The following RSU1 variants were observed in gnomAD, a reference collection of about 807,000 sequenced individuals.
The protein encoded by RSU1 is Ras suppressor protein 1, also known as rsu-1.
Under a neutral mutation model 31.1 loss-of-function variants are expected in RSU1, and 26 were observed. The observed-to-expected ratio is 0.84, with a 90% CI of 0.61 to 1.16. The LOEUF (loss-of-function observed/expected upper bound fraction) is 1.16, where lower values mean the gene tolerates loss of function less well. RSU1 is among the 50% of genes most tolerant of loss of function. RSU1 has a pLI of 0.00. For synonymous variants in RSU1, 164 were observed against 136.3 expected (o/e 1.20, Z -1.41); for missense variants, 320 against 339.1 (o/e 0.94, Z 0.44).
In RSU1 at chr10:16,611,156, G is replaced by A. The variant is rs117177954; in HGVS notation, c.732-17660C>T. On this transcript the variant is annotated intron_variant, in intron 8 of 8. Coordinates refer to ENST00000345264, the MANE Select transcript of RSU1 (RefSeq NM_012425.4). ...TCAAGCAGCAGTGACTACAGCTTGG[G>A]TGCATTCATGAGTTTGCCGTTTCCA... is the stretch of plus-strand genomic sequence containing the variant. 4.9e-3 allele frequency among the ~76,000 whole-genome samples: 740 copies of A among 152,266 alleles called. 17 individuals are homozygous for A. The East Asian group carries it at 0.083, about 17-fold the overall frequency.
chr10:16,782,435 A>AG (rs1317638229), intron 2 of RSU1, among the ~76,000 whole-genome samples: 6 of 152,340 alleles, frequency 3.9e-5, no homozygotes, highest in African/African-American at 1.4e-4. Flanking sequence ...AGACCAGCCA[A>AG]GGGGGCAGAG....
At chr10:16,639,248 T>A (rs906741023) in intron 8 of RSU1, among the ~76,000 whole-genome samples, 1 of 152,222 alleles carries the variant, frequency 6.6e-6, no homozygotes, top group Non-Finnish European at 1.5e-5. Context: ...AATAACGTAT[T>A]AATCCATAAA....
At chr10:16,624,999 C>T (rs946259239) in intron 8 of RSU1, among the ~76,000 whole-genome samples, 6 of 152,062 alleles carry the variant, frequency 3.9e-5, no homozygotes, top group African/African-American at 9.7e-5. Context: ...TGGGTATCAC[C>T]TTCATTAGTA....
intron 2 of RSU1, among the ~76,000 whole-genome samples, chr10:16,805,589 T>C (rs191345230): frequency 7.2e-6 from 1 of 139,774 alleles, no homozygotes; most frequent in East Asian, 2.1e-4. Flanking sequence ...GGCAGGAGAA[T>C]GGCGTGAACC....
chr10:16,635,323 CAACT>C (rs1380982392), intron 8 of RSU1, among the ~76,000 whole-genome samples: 2 of 152,174 alleles, frequency 1.3e-5, no homozygotes, highest in Non-Finnish European at 2.9e-5. Context: ...CTCTGCTAAC[CAACT>C]ATTTCATATC....
At chr10:16,730,216 C>A (rs1836480297) in intron 7 of RSU1, among the ~76,000 whole-genome samples, 1 of 152,148 alleles carries the variant, frequency 6.6e-6, no homozygotes, top group Non-Finnish European at 1.5e-5. Flanking sequence ...ACACACCAAG[C>A]CATTCAAGAG....
At chr10:16,770,675 T>G (rs1040917917) in intron 3 of RSU1, among the ~76,000 whole-genome samples, 1 of 152,158 alleles carries the variant, frequency 6.6e-6, no homozygotes, top group Admixed American at 6.5e-5. Context: ...CTGCCTCCAG[T>G]GATGGATTGT....
At chr10:16,753,342 A>G (rs747017586) in intron 5 of RSU1, among the ~76,000 whole-genome samples, 20 of 152,248 alleles carry the variant, frequency 1.3e-4, no homozygotes, top group African/African-American at 1.9e-4. Flanking sequence ...ATTTGCATCC[A>G]AAGTAAAACA....
In RSU1 at chr10:16,732,306, T is replaced by C. The variant is rs1030596919; in HGVS notation, c.598+20233A>G. On this transcript the variant is annotated intron_variant, in intron 7 of 8. Transcript: ENST00000345264. ...CTCTACTTCCTGTGGACTGAGTATT[T>C]ATGACCCCTCCAAATCCATATGTTA... Among the ~76,000 whole-genome samples, 46 of 152,366 alleles carry C rather than the reference T, an allele frequency of 3.0e-4. 1 individual carries two copies. The highest frequency in any genetic ancestry group is 1.7e-3 in the Admixed American group (26 of 15,302).
chr10:16,660,988 C>G (rs1355096670), intron 8 of RSU1, among the ~76,000 whole-genome samples: 1 of 152,078 alleles, frequency 6.6e-6, no homozygotes, highest in Admixed American at 6.6e-5. Flanking sequence ...CCCTTTTAAC[C>G]TATCTACTGA....
At chr10:16,682,266 G>A (rs1835339894) in intron 8 of RSU1, among the ~76,000 whole-genome samples, 1 of 152,090 alleles carries the variant, frequency 6.6e-6, no homozygotes. Context: ...GGAAAATGAG[G>A]CTGGGACCTG....
chr10:16,598,655 A>G (rs1833661319), intron 8 of RSU1, among the ~76,000 whole-genome samples: 1 of 152,226 alleles, frequency 6.6e-6, no homozygotes, highest in African/African-American at 2.4e-5. Context: ...ACCAAGGAAC[A>G]CAGGTGGTCT....
chr10:16,700,189 C>A (rs915367198), intron 7 of RSU1, among the ~76,000 whole-genome samples: 10 of 152,268 alleles, frequency 6.6e-5, no homozygotes, highest in Middle Eastern at 3.4e-3. Flanking sequence ...TCGAGGCGAT[C>A]TGGGCAAATT....
In RSU1 at chr10:16,695,167, G is replaced by GCC; in HGVS notation, c.599-13_599-12insGG. The stretch of plus-strand genomic sequence containing the variant: ...TAAATCCAAGTTTCCTGGGGGGGGG[G>GCC]AAAAAAAAAGTGAAGGTCACTTCAT... On this transcript the variant is annotated splice_polypyrimidine_tract_variant and intron_variant, in intron 7 of 8. Transcript: ENST00000345264. The GCC allele has an allele frequency of 7.6e-7, 1 of 1,318,148 alleles. No individual in the cohort carries two copies. Among genetic ancestry groups the GCC allele is most frequent in the Non-Finnish European group, 1.0e-6 (1 of 970,976 alleles). The allele number at this position is 1,318,148 out of a possible 1,614,324, so 81.7% of individuals were successfully genotyped here.
At chr10:16,595,222 T>C (rs1244550904) in intron 8 of RSU1, among the ~76,000 whole-genome samples, 1 of 152,194 alleles carries the variant, frequency 6.6e-6, no homozygotes, top group Non-Finnish European at 1.5e-5. Context: ...CGTCCAATAC[T>C]AGTGTTCTTG....
At chr10:16,755,400 G>C (rs1374344785) in intron 4 of RSU1, among the ~76,000 whole-genome samples, 8 of 151,682 alleles carry the variant, frequency 5.3e-5, no homozygotes, top group South Asian at 4.2e-4. Context: ...TGGGATTACA[G>C]GCGTGAGCCC....
intron 4 of RSU1, among the ~76,000 whole-genome samples, chr10:16,760,975 T>C (rs754419195): frequency 3.3e-5 from 5 of 152,206 alleles, no homozygotes; most frequent in Non-Finnish European, 7.3e-5. Flanking sequence ...GGAGTCTCAC[T>C]CTGTCACCTA....
At chr10:16,724,131 C>T (rs1215567747) in intron 7 of RSU1, among the ~76,000 whole-genome samples, 1 of 151,806 alleles carries the variant, frequency 6.6e-6, no homozygotes, top group Admixed American at 6.6e-5. Context: ...TTAGTAGAGA[C>T]GGGGCTTCAC....
rs574026577 is a variant in RSU1, at chr10:16,590,694, G to A, written c.*2700C>T. The A allele has an allele frequency of 5.9e-5, 9 of 152,244 alleles. No homozygotes were observed. In the South Asian group the frequency reaches 1.9e-3, roughly 32 times the overall value. The allele number at this position is 152,244 out of a possible 1,614,324, so 9.4% of individuals were successfully genotyped here. On this transcript the variant is annotated 3_prime_UTR_variant, in exon 9 of 9. Coordinates refer to ENST00000345264, the MANE Select transcript of RSU1 (RefSeq NM_012425.4). The stretch of plus-strand genomic sequence containing the variant: ...ATTAGAAAAAATTTAAGTACAGAAT[G>A]AATAAGTAAAATTCTAGAAAGTCTT...
Sources: allele counts gnomAD v4.1 joint callset (sites outside exome capture counted in the v4.1 genomes callset), GRCh38; gene constraint gnomAD v4.1.1; transcripts MANE v1.5; gene names NCBI Gene and HGNC (gene_info 2026-07-23, HGNC 2026-07-21).